B3GALT1: variants seen among roughly 807,000 people sequenced by gnomAD.
The protein encoded by B3GALT1 is beta-1,3-galactosyltransferase 1.
A neutral mutation model predicts 23.2 loss-of-function variants in B3GALT1; 10 were observed. The ratio of observed to expected loss-of-function variants is 0.43; its 90% CI spans 0.27 to 0.73. B3GALT1 has a LOEUF of 0.73. Ranked by LOEUF, B3GALT1 falls within the 30% of genes least tolerant of loss-of-function variation. The pLI is 0.21. For missense variants in B3GALT1, 299 were observed against 405.4 expected (o/e 0.74, Z 2.25); for synonymous variants, 156 against 141.5 (o/e 1.10, Z -0.73).
intron 2 of B3GALT1, among the ~76,000 whole-genome samples, chr2:167,593,595 A>G (rs936333685): frequency 3.3e-5 from 5 of 152,198 alleles, no homozygotes; most frequent in Non-Finnish European, 7.3e-5. Context: ...ATAATGAGTT[A>G]TGTGTGCTTA....
At chr2:167,503,553 G>A (rs1013694998) in intron 2 of B3GALT1, among the ~76,000 whole-genome samples, 4 of 152,092 alleles carry the variant, frequency 2.6e-5, no homozygotes, top group African/African-American at 9.7e-5. Context: ...TACATTTCCA[G>A]CATCATTATC....
Position 167,652,888 on chromosome 2 carries a change from A to G in B3GALT1, c.-352+5922A>G, listed in dbSNP as rs191832895. Among the ~76,000 whole-genome samples, 4 of 152,268 alleles carry G rather than the reference A, an allele frequency of 2.6e-5. No homozygotes were observed. The East Asian group carries it at 7.7e-4, about 29-fold the overall frequency. On this transcript the variant is annotated intron_variant, in intron 3 of 4. Transcript: ENST00000392690. Reference sequence around the variant, plus strand: ...CATTTTCATACATCTTTTAACTTAAAAAGTCATACCATAAGAAAAACGAAG... The same window carrying G: ...CATTTTCATACATCTTTTAACTTAAGAAGTCATACCATAAGAAAAACGAAG...
intron 3 of B3GALT1, among the ~76,000 whole-genome samples, chr2:167,759,821 G>T (rs1687873645): frequency 6.6e-6 from 1 of 152,140 alleles, no homozygotes; most frequent in Non-Finnish European, 1.5e-5. Context: ...GTGTTATCTT[G>T]CAAAGTGTGT....
At chr2:167,843,369 C>G (rs1250923772) in intron 4 of B3GALT1, among the ~76,000 whole-genome samples, 1 of 152,156 alleles carries the variant, frequency 6.6e-6, no homozygotes, top group African/African-American at 2.4e-5. Flanking sequence ...CTGTCAGACT[C>G]CATCATGCCA....
intron 3 of B3GALT1, among the ~76,000 whole-genome samples, chr2:167,717,877 T>C (rs902975057): frequency 1.3e-5 from 2 of 152,370 alleles, no homozygotes; most frequent in Admixed American, 6.5e-5. Context: ...TCCGTCTGTC[T>C]CTATGCAATT....
intron 3 of B3GALT1, among the ~76,000 whole-genome samples, chr2:167,728,622 G>A (rs1415268104): frequency 6.6e-6 from 1 of 152,102 alleles, no homozygotes; most frequent in Non-Finnish European, 1.5e-5. Context: ...CTTGTTTGGG[G>A]GTTTGTTGTG....
At chr2:167,806,783 T>C (rs1688765237) in intron 3 of B3GALT1, among the ~76,000 whole-genome samples, 1 of 152,268 alleles carries the variant, frequency 6.6e-6, no homozygotes, top group Non-Finnish European at 1.5e-5. Context: ...TCTCTTTTTT[T>C]GTTGTGTCTC....
intron 3 of B3GALT1, among the ~76,000 whole-genome samples, chr2:167,814,581 G>A (rs1688955157): frequency 1.3e-5 from 2 of 151,988 alleles, no homozygotes; most frequent in African/African-American, 4.8e-5. Context: ...CTAACACAGT[G>A]AAATCCCGTC....
At chr2:167,676,182 C>T (rs1187392050) in intron 3 of B3GALT1, among the ~76,000 whole-genome samples, 1 of 152,020 alleles carries the variant, frequency 6.6e-6, no homozygotes, top group Non-Finnish European at 1.5e-5. Flanking sequence ...CTCTCACACA[C>T]GCTGTTCTCA....
chr2:167,404,234 G>A (rs1374577514), intron 1 of B3GALT1, among the ~76,000 whole-genome samples: 2 of 152,032 alleles, frequency 1.3e-5, no homozygotes, highest in Admixed American at 1.3e-4. Context: ...ATAGAGCAAG[G>A]ACTGACATTA....
chr2:167,360,711 G>A (rs1312422984), intron 1 of B3GALT1, among the ~76,000 whole-genome samples: 1 of 152,062 alleles, frequency 6.6e-6, no homozygotes, highest in Non-Finnish European at 1.5e-5. Context: ...TTTTCTTTAT[G>A]TTAGGAACAT....
At chr2:167,774,550 T>A (rs1456275032) in intron 3 of B3GALT1, among the ~76,000 whole-genome samples, 1 of 136,142 alleles carries the variant, frequency 7.3e-6, no homozygotes, top group African/African-American at 2.7e-5. Flanking sequence ...CAGGCTGGAG[T>A]GCAGTGGCGT....
intron 3 of B3GALT1, among the ~76,000 whole-genome samples, chr2:167,754,585 A>T (rs140030100): frequency 1.2e-4 from 18 of 152,318 alleles, no homozygotes; most frequent in Non-Finnish European, 2.4e-4. Flanking sequence ...AAATCAACAG[A>T]GATCAAGCCT....
intron 1 of B3GALT1, among the ~76,000 whole-genome samples, chr2:167,396,564 G>T (rs1574062825): frequency 7.4e-6 from 1 of 135,110 alleles, no homozygotes. Context: ...GTGTGTGTGT[G>T]TTTAATTTTA....
chr2:167,338,342 C>T (rs568933046), intron 1 of B3GALT1, among the ~76,000 whole-genome samples: 1 of 152,184 alleles, frequency 6.6e-6, no homozygotes, highest in South Asian at 2.1e-4. Flanking sequence ...CAAAATTAAT[C>T]ACGGTAGAAT....
chr2:167,849,185 C>G (rs1019925486), intron 4 of B3GALT1, among the ~76,000 whole-genome samples: 1 of 152,050 alleles, frequency 6.6e-6, no homozygotes, highest in East Asian at 1.9e-4. Flanking sequence ...AATAGAATCC[C>G]CATCAAAATA....
At chr2:167,477,134 T>A (rs900364056) in intron 1 of B3GALT1, among the ~76,000 whole-genome samples, 1 of 152,236 alleles carries the variant, frequency 6.6e-6, no homozygotes, top group Non-Finnish European at 1.5e-5. Flanking sequence ...CTCCCACTTA[T>A]AAGCATATGT....
intron 2 of B3GALT1, among the ~76,000 whole-genome samples, chr2:167,586,492 G>T (rs1290219069): frequency 6.6e-6 from 1 of 151,978 alleles, no homozygotes; most frequent in Non-Finnish European, 1.5e-5. Context: ...GTAGAGACAG[G>T]GTTTCACCAT....
chr2:167,440,044 C>T lies in B3GALT1; in HGVS notation c.-510-50133C>T, dbSNP rs72872813. On this transcript the variant is annotated intron_variant, in intron 1 of 4. Coordinates refer to ENST00000392690, the MANE Select transcript of B3GALT1 (RefSeq NM_020981.4). ...TTGTTTTGTTTTATTTTGAAAAAAT[C>T]GGTAAGAAATAATTTAAGGCTGGGG... Among the ~76,000 whole-genome samples, 1,137 of 151,756 alleles carry T rather than the reference C, an allele frequency of 7.5e-3. 7 individuals are homozygous for T. Among genetic ancestry groups the T allele is most frequent in the Non-Finnish European group, 0.01 (702 of 67,954 alleles).
Sources: gnomAD v4.1 joint callset for allele counts (sites outside exome capture counted in the v4.1 genomes callset) on GRCh38, gnomAD v4.1.1 for gene constraint, MANE v1.5 for transcripts, NCBI Gene and HGNC (gene_info 2026-07-23, HGNC 2026-07-21) for gene names.